OSBPL6: variants seen among roughly 807,000 people sequenced by gnomAD.
OSBPL6 encodes the protein oxysterol-binding protein-related protein 6.
A neutral mutation model predicts 125.8 loss-of-function variants in OSBPL6; 49 were observed. That is an observed-to-expected ratio of 0.39 (90% CI 0.31 to 0.49). OSBPL6 has a LOEUF of 0.49. Ranked by LOEUF, OSBPL6 falls within the 20% of genes least tolerant of loss-of-function variation. OSBPL6 has a pLI of 0.88. For synonymous variants in OSBPL6, 394 were observed against 391.8 expected (o/e 1.01, Z -0.07); for missense variants, 986 against 1,135.4 (o/e 0.87, Z 1.89).
chr2:178,206,129 G>A (rs754683070), intron 1 of OSBPL6, among the ~76,000 whole-genome samples: 7 of 152,024 alleles, frequency 4.6e-5, no homozygotes, highest in Non-Finnish European at 8.8e-5. Flanking sequence ...TTCTCTTATT[G>A]GCTGTTTTGA....
chr2:178,235,398 CTTTTTTTTTT>C (rs540269327), intron 1 of OSBPL6, among the ~76,000 whole-genome samples: 389 of 78,026 alleles, frequency 5.0e-3, no homozygotes, highest in Non-Finnish European at 7.7e-3. Context: ...CTTTTCTTTT[CTTTTTTTTTT>C]TTTTTTTTTT....
intron 2 of OSBPL6, among the ~76,000 whole-genome samples, chr2:178,293,400 T>C (rs1446815913): frequency 1.3e-5 from 2 of 152,316 alleles, no homozygotes; most frequent in African/African-American, 4.8e-5. Context: ...AAATGCTTCA[T>C]TTTAATTTCT....
intron 13 of OSBPL6, among the ~76,000 whole-genome samples, chr2:178,367,830 T>A (rs1692997155): frequency 6.6e-6 from 1 of 152,226 alleles, no homozygotes; most frequent in Admixed American, 6.5e-5. Flanking sequence ...ACCTGCTGCG[T>A]GAAGAATCTG....
intron 1 of OSBPL6, among the ~76,000 whole-genome samples, chr2:178,263,980 G>C (rs568263181): frequency 2.6e-4 from 39 of 152,258 alleles, no homozygotes; most frequent in Non-Finnish European, 4.7e-4. Context: ...ATTTACAACA[G>C]AGAGGACTGT....
At position 178,303,765 on chromosome 2, in the gene OSBPL6, C is replaced by A. The variant is rs180902889; in HGVS notation, c.-155-2265C>A. 1.6e-3 allele frequency among the ~76,000 whole-genome samples: 237 copies of A among 152,258 alleles called. 2 individuals are homozygous for A. The highest frequency in any genetic ancestry group is 5.5e-3 in the African/African-American group (230 of 41,540). The stretch of plus-strand genomic sequence containing the variant: ...ATGCCAGAGACCTGAGATTTAGCCT[C>A]AACCCTGCCTCCCCGACCATGTCCA... On this transcript the variant is annotated intron_variant, in intron 2 of 24. Transcript: ENST00000190611.
rs367960192 is a variant in OSBPL6, at chr2:178,226,321, A to C, written c.-351+31647A>C. 6.4e-4 allele frequency among the ~76,000 whole-genome samples: 98 copies of C among 152,006 alleles called. 2 individuals carry two copies. In the South Asian group the frequency reaches 0.01, roughly 16 times the overall value. On this transcript the variant is annotated intron_variant, in intron 1 of 24. Coordinates refer to ENST00000190611, the MANE Select transcript of OSBPL6 (RefSeq NM_032523.4). ...ATGCTGGTAGCACAGTGGGCAAAGG[A>C]TGCTGGGTGGTGCAGTCACCTTCCA...
At chr2:178,245,677 A>G (rs968727034) in intron 1 of OSBPL6, among the ~76,000 whole-genome samples, 2 of 152,232 alleles carry the variant, frequency 1.3e-5, no homozygotes, top group East Asian at 1.9e-4. Context: ...GTACATCCAC[A>G]TATAACATGT....
At chr2:178,315,144 G>T (rs1354749625) in intron 3 of OSBPL6, among the ~76,000 whole-genome samples, 1 of 152,100 alleles carries the variant, frequency 6.6e-6, no homozygotes, top group African/African-American at 2.4e-5. Flanking sequence ...TTTACTACAC[G>T]TATTGCTTTT....
At chr2:178,250,347 A>T (rs1026004668) in intron 1 of OSBPL6, among the ~76,000 whole-genome samples, 7 of 152,074 alleles carry the variant, frequency 4.6e-5, no homozygotes, top group African/African-American at 1.2e-4. Flanking sequence ...GGATAATGTC[A>T]CTGTTCTCTA....
chr2:178,328,194 T>G, intron 4 of OSBPL6, 62 bp from the exon 5 acceptor site: 1 of 1,597,684 alleles, frequency 6.3e-7, no homozygotes, highest in Non-Finnish European at 8.5e-7. Flanking sequence ...CTTAAGAATC[T>G]GCTTTAAGTG....
intron 3 of OSBPL6, chr2:178,320,095 A>G: frequency 1.8e-6 from 1 of 544,428 alleles, no homozygotes; most frequent in Non-Finnish European, 3.0e-6. Flanking sequence ...TCCCTATTCA[A>G]CAGATCTCCT....
Position 178,395,468 on chromosome 2 carries a change from A to G in OSBPL6, c.2714A>G (p.Asn905Ser). ...PKFFKKVIDA[N>S]QREAWVSNDT... The stretch of plus-strand genomic sequence containing the variant: ...TTTCACAGAAAAGTTATTGATGCCA[A>G]TCAAAGAGAAGCCTGGGTTTCTAAC... The change falls in exon 25 of 25, where the codon AAT (asparagine) becomes AGT (serine). Residue 905 changes from asparagine to serine, a missense_variant. By Grantham distance (46) the Asn-to-Ser change is conservative. Around this residue, in one of 3 missense-constraint regions of OSBPL6, gnomAD observed 843 missense variants for 997.3 expected, o/e 0.85. Transcript: ENST00000190611. 1 of 1,613,482 alleles carries G rather than the reference A, an allele frequency of 6.2e-7. No homozygotes were observed. The highest frequency in any genetic ancestry group is 8.5e-7 in the Non-Finnish European group (1 of 1,179,638).
intron 1 of OSBPL6, among the ~76,000 whole-genome samples, chr2:178,276,926 C>T (rs1326703206): frequency 6.6e-6 from 1 of 152,160 alleles, no homozygotes; most frequent in Non-Finnish European, 1.5e-5. Context: ...CAGCAAACTG[C>T]AGTAGGTGCC....
chr2:178,380,924 A>G (rs1414520908), intron 15 of OSBPL6, among the ~76,000 whole-genome samples: 1 of 152,226 alleles, frequency 6.6e-6, no homozygotes, highest in Non-Finnish European at 1.5e-5. Flanking sequence ...AGATGTGTCA[A>G]TATGTTTGTA....
At chr2:178,273,193 G>A (rs2092405104) in intron 1 of OSBPL6, among the ~76,000 whole-genome samples, 1 of 152,214 alleles carries the variant, frequency 6.6e-6, no homozygotes, top group African/African-American at 2.4e-5. Flanking sequence ...TCCTGGAAGA[G>A]GAAGGTGGAA....
Position 178,399,066 on chromosome 2 carries a change from A to C in OSBPL6, c.*3507A>C, listed in dbSNP as rs561157971. 6.6e-6 allele frequency: 1 copy of C among 151,974 alleles called. No individual in the cohort carries two copies. Among genetic ancestry groups the C allele is most frequent in the East Asian group, 1.9e-4 (1 of 5,202 alleles). The allele number at this position is 151,974 out of a possible 1,614,324, so 9.4% of individuals were successfully genotyped here. A position where few individuals can be genotyped will look rare whatever the true frequency, so the allele number is the denominator to read the frequency against. ...TGTAATAAATGTTTGCACTTGGCCC[A>C]GTATATTATGAATGTGGCACAGTAA... On this transcript the variant is annotated 3_prime_UTR_variant, in exon 25 of 25. Coordinates refer to ENST00000190611, the MANE Select transcript of OSBPL6 (RefSeq NM_032523.4).
intron 1 of OSBPL6, among the ~76,000 whole-genome samples, chr2:178,222,873 T>C (rs1449710009): frequency 6.6e-6 from 1 of 152,234 alleles, no homozygotes; most frequent in East Asian, 1.9e-4. Context: ...CTCTAGTATT[T>C]ATATTCCTGT....
chr2:178,250,935 T>TA lies in OSBPL6; in HGVS notation c.-350-33991dup, dbSNP rs554599034. On this transcript the variant is annotated intron_variant, in intron 1 of 24. Transcript: ENST00000190611. ...TTGAACCTCAACTCTAAGCCCATGG[T>TA]AGACATTCATCAAATATTGGAATAA... Among the ~76,000 whole-genome samples, 32 of 151,666 alleles carry TA rather than the reference T, an allele frequency of 2.1e-4. No homozygotes were observed. In the South Asian group the frequency reaches 6.7e-3, roughly 32 times the overall value.
chr2:178,311,159 G>A (rs910147720), intron 3 of OSBPL6, among the ~76,000 whole-genome samples: 2 of 152,106 alleles, frequency 1.3e-5, no homozygotes, highest in African/African-American at 4.8e-5. Context: ...CCCTCTGAGC[G>A]CATACCATGT....
Sources: allele counts gnomAD v4.1 joint callset (sites outside exome capture counted in the v4.1 genomes callset), GRCh38; gene constraint gnomAD v4.1.1; regional missense constraint gnomAD v4.1.1; transcripts MANE v1.5; gene names NCBI Gene and HGNC (gene_info 2026-07-23, HGNC 2026-07-21).